Variants in APELA observed in about 807,000 individuals in gnomAD.
APELA encodes protein Elabela.
chr4:164,885,479 A>C lies in APELA; in HGVS notation c.*1+6470A>C, dbSNP rs1579109378. ...AAATAGGCTGGGCGTGGTGGCTCAC[A>C]CCTATAATCCCAGCACTTTGGGAGG... On this transcript the variant is annotated intron_variant, in intron 2 of 2. Transcript: ENST00000507152. Among the ~76,000 whole-genome samples, 4 of 151,754 alleles carry C rather than the reference A, an allele frequency of 2.6e-5. No individual in the cohort carries two copies. In the South Asian group the frequency reaches 8.4e-4, roughly 32 times the overall value.
intron 1 of APELA, 85 bp from the exon 2 acceptor site, chr4:164,878,835 C>T (rs1730604671): frequency 5.0e-6 from 2 of 398,020 alleles, no homozygotes; most frequent in Non-Finnish European, 8.9e-6. Flanking sequence ...TCTAGTTTGG[C>T]TCCAAAATAT....
intron 2 of APELA, among the ~76,000 whole-genome samples, chr4:164,889,096 C>T (rs982067747): frequency 2.7e-5 from 4 of 148,398 alleles, no homozygotes; most frequent in Non-Finnish European, 3.0e-5. Context: ...ATCCGCCTCC[C>T]GGGTTCAAGC....
chr4:164,882,046 T>C (rs1006491057), intron 2 of APELA, among the ~76,000 whole-genome samples: 2 of 152,058 alleles, frequency 1.3e-5, no homozygotes, highest in African/African-American at 4.8e-5. Flanking sequence ...TTACTTAATA[T>C]GTACTCTAGA....
intron 2 of APELA, among the ~76,000 whole-genome samples, chr4:164,889,820 C>T (rs1296538699): frequency 6.6e-6 from 1 of 152,152 alleles, no homozygotes; most frequent in East Asian, 1.9e-4. Context: ...AACTTTTTTC[C>T]TTGTCTTTAT....
intron 1 of APELA, among the ~76,000 whole-genome samples, chr4:164,877,749 A>C (rs548588055): frequency 6.6e-6 from 1 of 152,320 alleles, no homozygotes; most frequent in African/African-American, 2.4e-5. Flanking sequence ...AAATGTATAG[A>C]TTTTTAGGTA....
At chr4:164,883,793 T>C (rs1432271798) in intron 2 of APELA, among the ~76,000 whole-genome samples, 4 of 151,630 alleles carry the variant, frequency 2.6e-5, no homozygotes, top group Non-Finnish European at 2.9e-5. Flanking sequence ...GCCCCTAGTC[T>C]TTCAATAAAA....
At chr4:164,890,792 G>C (rs749031245) in intron 2 of APELA, among the ~76,000 whole-genome samples, 1 of 152,214 alleles carries the variant, frequency 6.6e-6, no homozygotes, top group Non-Finnish European at 1.5e-5. Context: ...GTTATGCTAT[G>C]TGTAACTCAT....
At chr4:164,890,975 A>T (rs1730871164) in intron 2 of APELA, among the ~76,000 whole-genome samples, 1 of 152,210 alleles carries the variant, frequency 6.6e-6, no homozygotes, top group South Asian at 2.1e-4. Flanking sequence ...CATAATGACT[A>T]AAATGTTGAG....
intron 2 of APELA, among the ~76,000 whole-genome samples, chr4:164,885,382 C>T (rs1413738578): frequency 2.0e-5 from 3 of 152,020 alleles, no homozygotes; most frequent in Non-Finnish European, 4.4e-5. Flanking sequence ...CTGCCCCCCT[C>T]GGCCTCCCAA....
At chr4:164,887,293 C>CTCTTCCT (rs1730793349) in intron 2 of APELA, among the ~76,000 whole-genome samples, 1 of 152,116 alleles carries the variant, frequency 6.6e-6, no homozygotes, top group Non-Finnish European at 1.5e-5. Context: ...CCCCATCTTC[C>CTCTTCCT]TCTTCCTTCT....
chr4:164,881,303 G>T (rs1730648836), intron 2 of APELA, among the ~76,000 whole-genome samples: 1 of 152,114 alleles, frequency 6.6e-6, no homozygotes, highest in Non-Finnish European at 1.5e-5. Flanking sequence ...GATCAGTTAG[G>T]ATCAAGTAAG....
chr4:164,886,236 G>A (rs1331438642), intron 2 of APELA, among the ~76,000 whole-genome samples: 1 of 152,138 alleles, frequency 6.6e-6, no homozygotes, highest in East Asian at 1.9e-4. Flanking sequence ...ATTGCATAAA[G>A]CTAAATGAAA....
intron 2 of APELA, among the ~76,000 whole-genome samples, chr4:164,884,104 TGAAAGAAAGAAAGAAAGAGAAAGAAA>T (rs1202739492): frequency 1.5e-3 from 28 of 18,144 alleles, no homozygotes; most frequent in Non-Finnish European, 2.5e-3. Context: ...AAAGAAAGAA[TGAAAGAAAGAAAGAAAGAGAAAGAAA>T]GAAAGAAAGA....
In APELA at chr4:164,892,580, G is replaced by A. The variant is rs530682846; in HGVS notation, c.*2-2836G>A. On this transcript the variant is annotated intron_variant, in intron 2 of 2. Transcript: ENST00000507152. ...CTACATTCATAAGAAATATTGGTCT[G>A]CACTTTTCTTATGATGTCTTTTTCT... Among the ~76,000 whole-genome samples, 23 of 152,186 alleles carry A rather than the reference G, an allele frequency of 1.5e-4. No individual in the cohort carries two copies. The South Asian group carries it at 4.8e-3, about 32-fold the overall frequency.
chr4:164,885,984 T>C (rs1219793347), intron 2 of APELA, among the ~76,000 whole-genome samples: 1 of 152,210 alleles, frequency 6.6e-6, no homozygotes, highest in East Asian at 1.9e-4. Context: ...ATTTTCCTCA[T>C]GACGACCACC....
chr4:164,897,944 T>A (rs78024323), downstream of APELA, among the ~76,000 whole-genome samples: 2 of 152,090 alleles, frequency 1.3e-5, no homozygotes, highest in African/African-American at 2.4e-5. Context: ...AGGCAGGAGC[T>A]CAGTGGCGTG....
chr4:164,888,055 C>T (rs924099122), intron 2 of APELA, among the ~76,000 whole-genome samples: 1 of 152,190 alleles, frequency 6.6e-6, no homozygotes, highest in Non-Finnish European at 1.5e-5. Flanking sequence ...TCAGCCAACC[C>T]TCTGCCTCCT....
intron 2 of APELA, among the ~76,000 whole-genome samples, chr4:164,890,545 C>A (rs57350588): frequency 0.078 from 11,846 of 152,136 alleles, 1,398 homozygotes; most frequent in African/African-American, 0.26. Context: ...GTTTTCAGGG[C>A]CCATCCCTGT....
intron 2 of APELA, among the ~76,000 whole-genome samples, chr4:164,880,678 A>G (rs1053303172): frequency 3.3e-5 from 5 of 152,228 alleles, no homozygotes; most frequent in African/African-American, 7.2e-5. Context: ...TCCTGCATAT[A>G]CAAAGAAAGA....
Sources: gnomAD v4.1 joint callset for allele counts (sites outside exome capture counted in the v4.1 genomes callset) on GRCh38, gnomAD v4.1.1 for gene constraint, MANE v1.5 for transcripts, NCBI Gene and HGNC (gene_info 2026-07-23, HGNC 2026-07-21) for gene names.